The following CABLES1 variants were observed in gnomAD, a reference collection of about 807,000 sequenced individuals.
CABLES1 encodes CDK5 and ABL1 enzyme substrate 1.
In CABLES1, 36 loss-of-function variants were observed where a neutral mutation model predicts 57.8. The ratio of observed to expected loss-of-function variants is 0.62; its 90% CI spans 0.48 to 0.82. The LOEUF (loss-of-function observed/expected upper bound fraction) is 0.82, where lower values mean the gene tolerates loss of function less well. Ranked by LOEUF, CABLES1 falls within the 40% of genes least tolerant of loss-of-function variation. The pLI, the probability that CABLES1 is intolerant of heterozygous loss-of-function variation, is 0.00. For synonymous variants in CABLES1, 374 were observed against 363.0 expected (o/e 1.03, Z -0.35); for missense variants, 767 against 836.6 (o/e 0.92, Z 1.03).
chr18:23,141,427 C>T (rs1316070679), intron 1 of CABLES1, among the ~76,000 whole-genome samples: 1 of 152,216 alleles, frequency 6.6e-6, no homozygotes, highest in African/African-American at 2.4e-5. Flanking sequence ...TTTCACCACC[C>T]GCTTTGTGAC....
intron 7 of CABLES1, among the ~76,000 whole-genome samples, chr18:23,242,622 A>C (rs763282236): frequency 1.3e-5 from 2 of 152,194 alleles, no homozygotes; most frequent in Non-Finnish European, 2.9e-5. Flanking sequence ...TGCCAACAAA[A>C]TTCAGTTACC....
intron 7 of CABLES1, among the ~76,000 whole-genome samples, chr18:23,246,350 C>T (rs911914943): frequency 1.1e-4 from 17 of 151,398 alleles, no homozygotes; most frequent in South Asian, 2.1e-4. Flanking sequence ...CTTTGATTTA[C>T]AGTAGCATGC....
chr18:23,209,518 A>G (rs2047388261), intron 3 of CABLES1, among the ~76,000 whole-genome samples: 1 of 152,170 alleles, frequency 6.6e-6, no homozygotes, highest in South Asian at 2.1e-4. Flanking sequence ...ATGTGTGCCT[A>G]GTGCCTAATA....
chr18:23,141,982 C>G (rs534436977), intron 1 of CABLES1, among the ~76,000 whole-genome samples: 2 of 152,226 alleles, frequency 1.3e-5, no homozygotes, highest in East Asian at 3.9e-4. Flanking sequence ...TAAGAGAGGT[C>G]AAAGCAGGAC....
At chr18:23,140,617 T>C (rs1008187074) in intron 1 of CABLES1, among the ~76,000 whole-genome samples, 6 of 152,096 alleles carry the variant, frequency 3.9e-5, no homozygotes, top group African/African-American at 1.4e-4. Context: ...TGGTATTTTT[T>C]AGTAGAGATG....
At chr18:23,187,309 T>TATG (rs2047209710) in intron 1 of CABLES1, among the ~76,000 whole-genome samples, 3 of 152,238 alleles carry the variant, frequency 2.0e-5, no homozygotes, top group Non-Finnish European at 4.4e-5. Context: ...TGTGCTTGGT[T>TATG]CACACACATT....
At chr18:23,238,434 A>T (rs2047659195) in intron 7 of CABLES1, among the ~76,000 whole-genome samples, 1 of 152,224 alleles carries the variant, frequency 6.6e-6, no homozygotes, top group Non-Finnish European at 1.5e-5. Flanking sequence ...AGTCAAAGGC[A>T]TTTAGTTTGA....
At chr18:23,249,937 C>T (rs1348532183) in intron 7 of CABLES1, among the ~76,000 whole-genome samples, 1 of 152,222 alleles carries the variant, frequency 6.6e-6, no homozygotes, top group African/African-American at 2.4e-5. Flanking sequence ...GCGCTGGCCC[C>T]TGCCTGCGGC....
chr18:23,246,120 C>T (rs1431481504), intron 7 of CABLES1, among the ~76,000 whole-genome samples: 11 of 152,180 alleles, frequency 7.2e-5, no homozygotes, highest in South Asian at 4.2e-4. Context: ...AAAAATTAGC[C>T]GGGTGTGGTG....
At chr18:23,174,793 A>G (rs1330832153) in intron 1 of CABLES1, among the ~76,000 whole-genome samples, 1 of 137,762 alleles carries the variant, frequency 7.3e-6, no homozygotes, top group Non-Finnish European at 1.5e-5. Flanking sequence ...ATTTTGGAAT[A>G]TAATTTGTAT....
chr18:23,199,765 A>G (rs923160866), intron 3 of CABLES1, among the ~76,000 whole-genome samples: 17 of 152,356 alleles, frequency 1.1e-4, no homozygotes, highest in Admixed American at 3.3e-4. Flanking sequence ...CACAGTGATG[A>G]TGGTTGCCCA....
intron 7 of CABLES1, among the ~76,000 whole-genome samples, chr18:23,237,543 C>T (rs1003767340): frequency 2.0e-5 from 3 of 152,216 alleles, no homozygotes; most frequent in African/African-American, 7.2e-5. Context: ...CCACAAACCC[C>T]CGTGGAGAGG....
At chr18:23,188,051 A>T (rs1483041694) in intron 1 of CABLES1, among the ~76,000 whole-genome samples, 1 of 152,206 alleles carries the variant, frequency 6.6e-6, no homozygotes, top group South Asian at 2.1e-4. Context: ...CCGCCAAATC[A>T]TTTACTATCA....
At position 23,252,959 on chromosome 18, in the gene CABLES1, G is replaced by A; in HGVS notation, c.1447-1G>A. The A allele has an allele frequency of 6.2e-7, 1 of 1,601,416 alleles. No individual in the cohort carries two copies. The highest frequency in any genetic ancestry group is 8.6e-7 in the Non-Finnish European group (1 of 1,168,592). ...GATCCGTGTTCCCCTGTCTGTTACA[G>A]ACAACAGTGATTGACTACGTGAAGC... On this transcript the variant is annotated splice_acceptor_variant, in intron 7 of 9. Coordinates refer to ENST00000256925, the MANE Select transcript of CABLES1 (RefSeq NM_001100619.3). LOFTEE classifies it high-confidence loss of function.
rs978475272 is a variant in CABLES1 at position 23,257,420 on chromosome 18, C to CACTT, written c.*61_*64dup. 7 of 1,518,594 alleles carry CACTT rather than the reference C, an allele frequency of 4.6e-6. No homozygotes were observed. Among genetic ancestry groups the CACTT allele is most frequent in the African/African-American group, 1.4e-5 (1 of 70,636 alleles). 94.1% of individuals were successfully genotyped at this position (1,518,594 alleles called of 1,614,324 possible). A position where few individuals can be genotyped will look rare whatever the true frequency, so the allele number is the denominator to read the frequency against. On this transcript the variant is annotated 3_prime_UTR_variant, in exon 10 of 10. Transcript: ENST00000256925. ...ATTTCTTCTCAGCTTGGTGGAGCAG[C>CACTT]ACTTACTTACTACTGGAAATGAAAA...
chr18:23,167,804 C>A (rs1004801049), intron 1 of CABLES1, among the ~76,000 whole-genome samples: 1 of 152,086 alleles, frequency 6.6e-6, no homozygotes. Context: ...TCGTTGGGGG[C>A]CTCGGCAGGT....
chr18:23,246,558 A>AT (rs1266185267), intron 7 of CABLES1, among the ~76,000 whole-genome samples: 5 of 151,568 alleles, frequency 3.3e-5, no homozygotes, highest in Middle Eastern at 3.2e-3. Flanking sequence ...CACCCGGCTA[A>AT]TTTTTTGTGT....
intron 1 of CABLES1, among the ~76,000 whole-genome samples, chr18:23,169,107 A>T (rs1464479315): frequency 2.0e-5 from 3 of 152,206 alleles, no homozygotes; most frequent in African/African-American, 7.2e-5. Flanking sequence ...GGTCATCCTC[A>T]CTGCTACACT....
chr18:23,246,431 G>T (rs571803370), intron 7 of CABLES1, among the ~76,000 whole-genome samples: 110 of 151,728 alleles, frequency 7.2e-4, no homozygotes, highest in Non-Finnish European at 1.1e-3. Context: ...TTGCTCTGTC[G>T]CCCAGGCTGA....
Sources: allele counts gnomAD v4.1 joint callset (sites outside exome capture counted in the v4.1 genomes callset), GRCh38; gene constraint gnomAD v4.1.1; transcripts MANE v1.5; gene names NCBI Gene and HGNC (gene_info 2026-07-23, HGNC 2026-07-21).